The following SHCBP1 variants were observed in gnomAD, a reference collection of about 807,000 sequenced individuals.
The protein encoded by SHCBP1 is SHC binding and spindle associated 1.
A neutral mutation model predicts 75.1 loss-of-function variants in SHCBP1; 60 were observed. The ratio of observed to expected loss-of-function variants is 0.80; its 90% CI spans 0.65 to 0.99. The LOEUF (loss-of-function observed/expected upper bound fraction) is 0.99, where lower values mean the gene tolerates loss of function less well. SHCBP1 is among the 50% of genes least tolerant of loss of function. The pLI, the probability that SHCBP1 is intolerant of heterozygous loss-of-function variation, is 0.00. For missense variants in SHCBP1, 709 were observed against 809.4 expected, an observed-to-expected ratio of 0.88 and a Z score of 1.50; for synonymous variants, 290 against 293.2, an observed-to-expected ratio of 0.99 and a Z score of 0.11.
intron 10 of SHCBP1, among the ~76,000 whole-genome samples, chr16:46,592,932 C>G (rs938128875): frequency 3.8e-5 from 1 of 26,612 alleles, no homozygotes; most frequent in Non-Finnish European, 7.4e-5. Flanking sequence ...AGTCAACATC[C>G]ACTTATGATA....
chr16:46,605,507 G>A (rs1397889052), intron 5 of SHCBP1, among the ~76,000 whole-genome samples: 1 of 152,054 alleles, frequency 6.6e-6, no homozygotes, highest in Non-Finnish European at 1.5e-5. Flanking sequence ...AGGATGGCTT[G>A]AGCCCCAGGG....
At chr16:46,606,728 G>A (rs1965331309) in intron 5 of SHCBP1, among the ~76,000 whole-genome samples, 1 of 152,004 alleles carries the variant, frequency 6.6e-6, no homozygotes, top group Non-Finnish European at 1.5e-5. Context: ...GGAAAAACTG[G>A]AAAGCCTAAA....
intron 4 of SHCBP1, among the ~76,000 whole-genome samples, chr16:46,615,734 T>C (rs1039038226): frequency 8.5e-5 from 13 of 152,146 alleles, no homozygotes; most frequent in Non-Finnish European, 1.2e-4. Flanking sequence ...AGCAAGACTA[T>C]GTCTCAAAAT....
At chr16:46,615,458 C>T (rs1015716531) in intron 4 of SHCBP1, among the ~76,000 whole-genome samples, 1 of 152,074 alleles carries the variant, frequency 6.6e-6, no homozygotes, top group Admixed American at 6.6e-5. Flanking sequence ...CATTTTTAGA[C>T]CAGGTGCACG....
intron 8 of SHCBP1, among the ~76,000 whole-genome samples, chr16:46,600,505 A>C (rs536776045): frequency 1.3e-5 from 2 of 152,294 alleles, no homozygotes; most frequent in South Asian, 4.1e-4. Context: ...AAGGACTTAC[A>C]GCTGAGTCAA....
Position 46,603,602 on chromosome 16 carries a change from C to T in SHCBP1, c.1150G>A (p.Val384Ile). The change falls in exon 8 of 13, where the codon GTT (valine) becomes ATT (isoleucine). Residue 384 changes from valine (V) to isoleucine (I), a missense_variant. Transcript: ENST00000303383. ...NACFEGDTVI[V>I]CPGHYVVHGT... ...TGTACCACATAATGGCCAGGACAAA[C>T]AATAACAGTGTCACCTTCGAAGCAG... The T allele has an allele frequency of 6.2e-7, 1 of 1,614,144 alleles. No homozygotes were observed.
At chr16:46,618,150 T>C in intron 2 of SHCBP1, 55 bp downstream of exon 2, 4 of 1,524,934 alleles carry the variant, frequency 2.6e-6, no homozygotes, top group Non-Finnish European at 2.6e-6. Context: ...CACTCCAGCC[T>C]GGACAACAAG....
intron 10 of SHCBP1, among the ~76,000 whole-genome samples, chr16:46,586,924 A>G (rs1379683511): frequency 6.6e-6 from 1 of 152,168 alleles, no homozygotes; most frequent in African/African-American, 2.4e-5. Context: ...TGTCACCAGC[A>G]GACGTATCTT....
Position 46,617,617 on chromosome 16 carries a change from A to G in SHCBP1, c.387+17T>C. On this transcript the variant is annotated intron_variant, in intron 3 of 12. Transcript: ENST00000303383. Reference sequence around the variant, plus strand: ...TTAAAGCTAGAGACAAAGGTCTAATAACAAAATTAACCTTACCTCAACCAG... The same window carrying G: ...TTAAAGCTAGAGACAAAGGTCTAATGACAAAATTAACCTTACCTCAACCAG... 1 of 1,603,026 alleles carries G rather than the reference A, an allele frequency of 6.2e-7. No individual in the cohort carries two copies. The highest frequency in any genetic ancestry group is 8.5e-7 in the Non-Finnish European group (1 of 1,171,098).
Position 46,604,133 on chromosome 16 carries a change from C to A in SHCBP1, c.934G>T (p.Gly312Cys). The A allele has an allele frequency of 1.2e-6, 2 of 1,613,926 alleles. No individual in the cohort carries two copies. Among genetic ancestry groups the A allele is most frequent in the Non-Finnish European group, 1.7e-6 (2 of 1,179,974 alleles). The stretch of plus-strand genomic sequence containing the variant: ...TGGATGTTAGAATTCTTCTGATAAC[C>A]AAACACATACCTTAAAGAAACGAAA... ...IENPLLRYVF[G>C]YQKNSNIQAK... is the part of the protein sequence containing the mutation. The change falls in exon 7 of 13, where the codon GGT (glycine) becomes TGT (cysteine). Residue 312 changes from glycine (G) to cysteine (C), a missense_variant. Gly to Cys is a radical substitution (Grantham distance 159). Coordinates refer to ENST00000303383, the MANE Select transcript of SHCBP1 (RefSeq NM_024745.5).
chr16:46,617,721 T>C lies in SHCBP1; in HGVS notation c.300A>G (p.Glu100=), dbSNP rs1193184281. The change falls in exon 3 of 13, where the codon GAA becomes GAG. Residue 100 remains glutamate (E), a synonymous_variant. Coordinates refer to ENST00000303383, the MANE Select transcript of SHCBP1 (RefSeq NM_024745.5). Reference sequence around the variant, plus strand: ...CCTTCTCCAAGAACTCAGCTGTGAATTCCTGTACCTCAGAGGCCTTGCAGT... The same window carrying C: ...CCTTCTCCAAGAACTCAGCTGTGAACTCCTGTACCTCAGAGGCCTTGCAGT... ...LADCKASEVQ[E]FTAEFLEKVL... 1 of 1,612,822 alleles carries C rather than the reference T, an allele frequency of 6.2e-7. No homozygotes were observed.
chr16:46,599,810 A>G (rs1274417555), intron 9 of SHCBP1, 21 bp downstream of exon 9: 2 of 1,580,544 alleles, frequency 1.3e-6, no homozygotes, highest in Admixed American at 3.9e-5. Context: ...CAAATGATAT[A>G]CCAAACATTC....
intron 9 of SHCBP1, 80 bp from the exon 10 acceptor site, chr16:46,595,750 A>T: frequency 1.1e-6 from 1 of 915,144 alleles, no homozygotes; most frequent in South Asian, 1.5e-5. Flanking sequence ...CGCTGACATT[A>T]GCTATGGTCT....
intron 4 of SHCBP1, among the ~76,000 whole-genome samples, chr16:46,609,849 C>T (rs760153828): frequency 6.6e-6 from 1 of 151,996 alleles, no homozygotes; most frequent in Non-Finnish European, 1.5e-5. Flanking sequence ...ATGATGAATA[C>T]CATGTATCAT....
intron 12 of SHCBP1, among the ~76,000 whole-genome samples, chr16:46,583,216 TCA>T (rs1964899801): frequency 1.3e-5 from 2 of 152,148 alleles, no homozygotes; most frequent in African/African-American, 4.8e-5. Context: ...ACCATTGCTA[TCA>T]CACACCCATC....
At chr16:46,621,164 C>G (rs1452060806) in intron 1 of SHCBP1, 93 bp downstream of exon 1, 1 of 1,178,736 alleles carries the variant, frequency 8.5e-7, no homozygotes, top group Non-Finnish European at 1.2e-6. Flanking sequence ...CAGACGGGTC[C>G]GGAAGGCCCG....
At chr16:46,585,491 C>T (rs1964942491) in intron 10 of SHCBP1, among the ~76,000 whole-genome samples, 1 of 152,012 alleles carries the variant, frequency 6.6e-6, no homozygotes, top group South Asian at 2.1e-4. Context: ...CTGAAGAAGC[C>T]AGCAATCCAG....
At chr16:46,618,447 A>G (rs1965537494) in intron 1 of SHCBP1, 75 bp from the exon 2 acceptor site, 5 of 1,415,196 alleles carry the variant, frequency 3.5e-6, no homozygotes, top group African/African-American at 1.5e-5. Flanking sequence ...CCTTGCATAG[A>G]AATCCCAAAC....
chr16:46,588,970 AC>A (rs1261232342), intron 10 of SHCBP1, among the ~76,000 whole-genome samples: 1 of 152,232 alleles, frequency 6.6e-6, no homozygotes, highest in East Asian at 1.9e-4. Flanking sequence ...AAGCTTATCC[AC>A]CATGATCAAG....
Sources: allele counts gnomAD v4.1 joint callset (sites outside exome capture counted in the v4.1 genomes callset), GRCh38; gene constraint gnomAD v4.1.1; transcripts MANE v1.5; gene names NCBI Gene and HGNC (gene_info 2026-07-23, HGNC 2026-07-21).